The following OLFM3 variants were observed in gnomAD, a reference collection of about 807,000 sequenced individuals.
OLFM3 encodes olfactomedin 3, also known as noelin-3.
OLFM3 carries 20 observed loss-of-function variants against 48.6 expected under a neutral mutation model. The ratio of observed to expected loss-of-function variants is 0.41; its 90% confidence interval spans 0.29 to 0.60. The LOEUF is 0.60. Among genes scored for constraint, OLFM3 ranks in the 20% least tolerant of loss-of-function variants. The pLI, the probability that OLFM3 is intolerant of heterozygous loss-of-function variation, is 0.28. For missense variants in OLFM3, 437 were observed against 544.3 expected, an observed-to-expected ratio of 0.80 and a Z score of 1.96; for synonymous variants, 222 against 198.1, an observed-to-expected ratio of 1.12 and a Z score of -1.01.
At chr1:101,896,092 G>A (rs1181161339) in intron 1 of OLFM3, among the ~76,000 whole-genome samples, 1 of 151,686 alleles carries the variant, frequency 6.6e-6, no homozygotes, top group Admixed American at 6.6e-5. Context: ...TAAAGATTAG[G>A]AATAAATTTA....
intron 1 of OLFM3, among the ~76,000 whole-genome samples, chr1:101,964,740 T>G (rs1045133714): frequency 6.6e-6 from 1 of 152,210 alleles, no homozygotes; most frequent in Non-Finnish European, 1.5e-5. Context: ...GTTCATTTAA[T>G]TCTGAGTTAA....
chr1:101,895,977 T>C (rs1187078267), intron 1 of OLFM3, among the ~76,000 whole-genome samples: 1 of 77,940 alleles, frequency 1.3e-5, no homozygotes, highest in Non-Finnish European at 2.9e-5. Context: ...TAGGTAATAA[T>C]AATAATAATA....
intron 1 of OLFM3, among the ~76,000 whole-genome samples, chr1:101,879,171 A>T (rs559483651): frequency 3.9e-5 from 6 of 151,958 alleles, no homozygotes; most frequent in Admixed American, 3.9e-4. Flanking sequence ...TCAAGAGCTA[A>T]TGAGAATCCA....
intron 4 of OLFM3, among the ~76,000 whole-genome samples, chr1:101,820,044 C>G (rs1473286639): frequency 7.2e-5 from 11 of 152,198 alleles, no homozygotes. Flanking sequence ...CCTTCCCATC[C>G]TTGTATCCAC....
chr1:101,861,798 T>C (rs1015266148), intron 1 of OLFM3, among the ~76,000 whole-genome samples: 3 of 152,204 alleles, frequency 2.0e-5, no homozygotes, highest in Admixed American at 2.0e-4. Flanking sequence ...CTGAACTTCA[T>C]TTTACTAATC....
chr1:101,972,035 T>A (rs1265012854), intron 1 of OLFM3, among the ~76,000 whole-genome samples: 1 of 152,100 alleles, frequency 6.6e-6, no homozygotes. Flanking sequence ...TCAAAATTTA[T>A]TTCTTTTTAA....
At chr1:101,818,179 C>G (rs2100883247) in intron 4 of OLFM3, among the ~76,000 whole-genome samples, 1 of 152,204 alleles carries the variant, frequency 6.6e-6, no homozygotes, top group African/African-American at 2.4e-5. Flanking sequence ...GTTCAGCATT[C>G]AAACTGAATG....
At chr1:101,996,685 TTC>T in intron 1 of OLFM3, 61 bp downstream of exon 1, 2 of 1,539,326 alleles carry the variant, frequency 1.3e-6, no homozygotes, top group Admixed American at 3.3e-5. Flanking sequence ...TTATTTGCAT[TTC>T]TGTTAGGTTT....
intron 1 of OLFM3, among the ~76,000 whole-genome samples, chr1:101,941,275 C>T (rs964777937): frequency 2.7e-4 from 41 of 152,230 alleles, no homozygotes; most frequent in African/African-American, 9.9e-4. Context: ...TGCAGCATTA[C>T]AGCAGGGAGA....
At chr1:101,984,866 C>G (rs1661193403) in intron 1 of OLFM3, among the ~76,000 whole-genome samples, 1 of 152,118 alleles carries the variant, frequency 6.6e-6, no homozygotes, top group South Asian at 2.1e-4. Context: ...CCAATTATTA[C>G]TAATATATAT....
At chr1:101,974,732 G>A (rs4551618) in intron 1 of OLFM3, among the ~76,000 whole-genome samples, 37,632 of 151,912 alleles carry the variant, frequency 0.25, 5,220 homozygotes, top group Middle Eastern at 0.36. Context: ...GTGGCAGACA[G>A]CTTGCAAATA....
At chr1:101,939,730 T>A (rs903324048) in intron 1 of OLFM3, among the ~76,000 whole-genome samples, 2 of 152,158 alleles carry the variant, frequency 1.3e-5, no homozygotes, top group African/African-American at 4.8e-5. Context: ...AAGTAGACTG[T>A]TTAGAAAATA....
At chr1:101,849,356 C>A (rs1389992789) in intron 1 of OLFM3, among the ~76,000 whole-genome samples, 1 of 152,186 alleles carries the variant, frequency 6.6e-6, no homozygotes, top group Non-Finnish European at 1.5e-5. Flanking sequence ...GTGTTTAGGG[C>A]AAGCAACCCA....
chr1:101,858,669 G>T (rs976033488), intron 1 of OLFM3, among the ~76,000 whole-genome samples: 1 of 151,818 alleles, frequency 6.6e-6, no homozygotes, highest in African/African-American at 2.4e-5. Flanking sequence ...ACGAGATATG[G>T]TTGTTTAAAA....
At chr1:101,891,871 T>C (rs1557719336) in intron 1 of OLFM3, among the ~76,000 whole-genome samples, 1 of 152,002 alleles carries the variant, frequency 6.6e-6, no homozygotes. Context: ...GTTAGAACCA[T>C]ATGGAATTGC....
intron 1 of OLFM3, among the ~76,000 whole-genome samples, chr1:101,951,295 AGTTT>A (rs906676540): frequency 3.4e-4 from 51 of 152,200 alleles, no homozygotes; most frequent in African/African-American, 1.0e-3. Flanking sequence ...TTTTCACTGA[AGTTT>A]GTTTGTTTAT....
At chr1:101,934,789 A>G (rs1228728129) in intron 1 of OLFM3, among the ~76,000 whole-genome samples, 1 of 152,126 alleles carries the variant, frequency 6.6e-6, no homozygotes, top group Non-Finnish European at 1.5e-5. Context: ...CAACACAATA[A>G]AAACAGAAAT....
chr1:101,940,800 C>G lies in OLFM3; in HGVS notation c.69+55948G>C, dbSNP rs373538475. 4.0e-5 allele frequency among the ~76,000 whole-genome samples: 6 copies of G among 150,830 alleles called. No homozygotes were observed. In the East Asian group the frequency reaches 9.7e-4, roughly 25 times the overall value. On this transcript the variant is annotated intron_variant, in intron 1 of 5. Transcript: ENST00000370103. ...TATACACACAAATGTATATGTATAGCTTAACTATGTAGCTATATCCAAATA... is the reference window on the plus strand; with the variant it reads ...TATACACACAAATGTATATGTATAGGTTAACTATGTAGCTATATCCAAATA...
At chr1:101,882,725 G>T (rs1031980449) in intron 1 of OLFM3, 10 of 151,698 alleles carry the variant, frequency 6.6e-5, no homozygotes, top group Non-Finnish European at 1.5e-4. Context: ...AGATGACACT[G>T]CCCCAGATGT....
Sources: allele counts gnomAD v4.1 joint callset (sites outside exome capture counted in the v4.1 genomes callset), GRCh38; gene constraint gnomAD v4.1.1; transcripts MANE v1.5; gene names NCBI Gene and HGNC (gene_info 2026-07-23, HGNC 2026-07-21).